The following WNK2 variants were observed in gnomAD, a reference collection of about 807,000 sequenced individuals.
WNK2 encodes the protein serine/threonine-protein kinase WNK2.
Under a neutral mutation model 192.1 loss-of-function variants are expected in WNK2, and 67 were observed. That is an observed-to-expected ratio of 0.35 (90% CI 0.29 to 0.43). WNK2 has a LOEUF of 0.43. Ranked by LOEUF, WNK2 falls within the 20% of genes least tolerant of loss-of-function variation. WNK2 has a pLI of 1.00. For missense variants in WNK2, 2,698 were observed against 3,089.7 expected, an observed-to-expected ratio of 0.87 and a Z score of 3.01; for synonymous variants, 1,439 against 1,393.9, an observed-to-expected ratio of 1.03 and a Z score of -0.72.
At chr9:93,284,008 A>T (rs1246474446) in intron 19 of WNK2, among the ~76,000 whole-genome samples, 1 of 152,188 alleles carries the variant, frequency 6.6e-6, no homozygotes, top group East Asian at 1.9e-4. Flanking sequence ...AGGCAGTGAG[A>T]AAGAAATCAG....
chr9:93,247,708 C>A lies in WNK2; in HGVS notation c.1708C>A (p.Pro570Thr). The stretch of plus-strand genomic sequence containing the variant: ...GGACAAGGCCAGGGGTCCGCCGGTG[C>A]CCCTGCAGGTCCAGGTGACCTACCA... ...SPDKARGPPV[P>T]LQVQVTYHAQ... Residue 570 changes from proline to threonine, a missense_variant, in exon 8 of 30, where the codon CCC (proline) becomes ACC (threonine). Around this residue, in one of 7 missense-constraint regions of WNK2, gnomAD observed 893 missense variants for 909.0 expected, o/e 0.98. Coordinates refer to ENST00000427277, the MANE Select transcript of WNK2 (RefSeq NM_006648.4). The surrounding 1 kb of genome is among the most constrained non-coding windows in gnomAD (Gnocchi z 5.2). The A allele has an allele frequency of 6.4e-7, 1 of 1,563,124 alleles. No individual in the cohort carries two copies. Among genetic ancestry groups the A allele is most frequent in the Non-Finnish European group, 8.7e-7 (1 of 1,154,198 alleles).
chr9:93,195,002 C>T (rs1012216409), intron 2 of WNK2, among the ~76,000 whole-genome samples: 6 of 146,986 alleles, frequency 4.1e-5, no homozygotes, highest in South Asian at 2.1e-4. Flanking sequence ...CTGGAAAAGA[C>T]GAGAAACCAT....
At chr9:93,300,366 G>A in intron 26 of WNK2, 1 of 448,880 alleles carries the variant, frequency 2.2e-6, no homozygotes, top group Non-Finnish European at 4.0e-6. Flanking sequence ...GTGTGTGCAT[G>A]CTCATGGCTG....
chr9:93,263,280 A>G, intron 14 of WNK2: 1 of 511,312 alleles, frequency 2.0e-6, no homozygotes, highest in Non-Finnish European at 3.5e-6. Flanking sequence ...GGGGAAACTG[A>G]GGCACAGGGG....
Position 93,247,486 on chromosome 9 carries a change from G to A in WNK2, c.1543-57G>A. 5.1e-6 allele frequency: 8 copies of A among 1,560,528 alleles called. No homozygotes were observed. Among genetic ancestry groups the A allele is most frequent in the Non-Finnish European group, 7.0e-6 (8 of 1,148,778 alleles). On this transcript the variant is annotated intron_variant, in intron 7 of 29. Coordinates refer to ENST00000427277, the MANE Select transcript of WNK2 (RefSeq NM_006648.4). This position sits in a 1 kb window ranked among gnomAD's most constrained non-coding sequence, Gnocchi z 5.2. ...GATGGGAAAGCACTTTAGGTAAGGGGTGTGGGCCGGTGAGGGCTGATCCCC... is the reference window on the plus strand; with the variant it reads ...GATGGGAAAGCACTTTAGGTAAGGGATGTGGGCCGGTGAGGGCTGATCCCC...
intron 2 of WNK2, among the ~76,000 whole-genome samples, chr9:93,222,500 A>C (rs1171682008): frequency 3.3e-5 from 5 of 152,042 alleles, no homozygotes; most frequent in African/African-American, 1.2e-4. Flanking sequence ...CTCACCCCCA[A>C]CTGAGCACCT....
At chr9:93,284,682 A>C (rs932867751) in intron 19 of WNK2, among the ~76,000 whole-genome samples, 1 of 152,178 alleles carries the variant, frequency 6.6e-6, no homozygotes, top group Non-Finnish European at 1.5e-5. Context: ...GGGACTGAAG[A>C]AGCTCACGCC....
At chr9:93,293,231 A>C in intron 23 of WNK2, 58 bp downstream of exon 23, 3 of 1,386,444 alleles carry the variant, frequency 2.2e-6, no homozygotes, top group Non-Finnish European at 2.8e-6. Flanking sequence ...ACCCCTTCCC[A>C]GTTGTGAGGG....
rs1206570371 is a variant in WNK2 at position 93,259,516 on chromosome 9, C to T, written c.2968C>T (p.Pro990Ser). 5 of 1,580,886 alleles carry T rather than the reference C, an allele frequency of 3.2e-6. No homozygotes were observed. Among genetic ancestry groups the T allele is most frequent in the East Asian group, 2.3e-5 (1 of 44,238 alleles). The change falls in exon 12 of 30, where the codon CCT becomes TCT. Residue 990 changes from proline (P) to serine (S), a missense_variant. Pro to Ser is a moderately conservative substitution (Grantham distance 74). This residue lies in a region of WNK2 where 893 missense variants were observed against 909.0 expected (regional missense o/e 0.98). Coordinates refer to ENST00000427277, the MANE Select transcript of WNK2 (RefSeq NM_006648.4). The surrounding 1 kb of genome is among the most constrained non-coding windows in gnomAD (Gnocchi z 4.8). ...CCCGCAACCCATGCTGCCCCCACAA[C>T]CTGTGCTGCCCCCGCAGCCGGCACT... Reference protein sequence around the residue: ...LPPQPMLPPQPVLPPQPALPV... With the variant: ...LPPQPMLPPQSVLPPQPALPV...
chr9:93,297,762 G>A, intron 23 of WNK2, 91 bp from the exon 24 acceptor site: 2 of 1,367,314 alleles, frequency 1.5e-6, no homozygotes, highest in South Asian at 2.7e-5. Flanking sequence ...TTCATCCCAT[G>A]TTCTCCCACG....
chr9:93,203,140 A>G (rs1225124913), intron 2 of WNK2, among the ~76,000 whole-genome samples: 1 of 151,902 alleles, frequency 6.6e-6, no homozygotes. Context: ...GGCGCTGGGA[A>G]GGTCCTTCCT....
intron 23 of WNK2, among the ~76,000 whole-genome samples, chr9:93,297,417 T>G (rs916260871): frequency 3.3e-5 from 5 of 152,242 alleles, no homozygotes; most frequent in African/African-American, 1.2e-4. Flanking sequence ...TGCATTGGTC[T>G]GAGCTGCCTT....
chr9:93,300,944 C>A (rs1447039933), intron 26 of WNK2, among the ~76,000 whole-genome samples: 1 of 152,232 alleles, frequency 6.6e-6, no homozygotes, highest in African/African-American at 2.4e-5. Context: ...CCTCCTCCTC[C>A]AGCCAGTGGG....
intron 23 of WNK2, among the ~76,000 whole-genome samples, chr9:93,295,887 CA>C: frequency 4.8e-5 from 7 of 145,140 alleles, no homozygotes; most frequent in African/African-American, 1.5e-4. Context: ...TCTCCATCCT[CA>C]ACTCACTTTC....
rs139859913 is a variant in WNK2, at chr9:93,286,997, CCAG to C, written c.4034-1786_4034-1784del. ...AAAGCAGAGAGCAGAATGGAAGTTG[CCAG>C]CAGCTGGAGGGAGAGGGAAACGGAG... is the stretch of plus-strand genomic sequence containing the variant. On this transcript the variant is annotated intron_variant, in intron 19 of 29. Coordinates refer to ENST00000427277, the MANE Select transcript of WNK2 (RefSeq NM_006648.4). 2.5e-3 allele frequency among the ~76,000 whole-genome samples: 382 copies of C among 152,244 alleles called. 15 individuals are homozygous for C. In the East Asian group the frequency reaches 0.056, roughly 22 times the overall value.
chr9:93,264,779 C>T (rs1173604045), intron 16 of WNK2, among the ~76,000 whole-genome samples: 1 of 152,246 alleles, frequency 6.6e-6, no homozygotes, highest in Non-Finnish European at 1.5e-5. Context: ...GCCAGCAGCA[C>T]ACTGGACAGT....
rs372840629 is a variant in WNK2 at position 93,192,023 on chromosome 9, C to CA, written c.681+6423dup. On this transcript the variant is annotated intron_variant, in intron 2 of 29. Transcript: ENST00000427277. ...CTGGCGACAGAGCAAGACTCCGTCT[C>CA]AAAAAAAAAAGGCCAGGCGTGGTGG... 1.4e-3 allele frequency among the ~76,000 whole-genome samples: 196 copies of CA among 141,036 alleles called. 2 individuals are homozygous for CA. In the South Asian group the frequency reaches 0.018, roughly 13 times the overall value. The allele number at this position is 141,036 out of a possible 152,430, so 92.5% of individuals were successfully genotyped here.
chr9:93,253,767 G>T (rs899254770), intron 9 of WNK2, among the ~76,000 whole-genome samples: 6 of 152,168 alleles, frequency 3.9e-5, no homozygotes, highest in African/African-American at 1.4e-4. Flanking sequence ...GATGAGTGGG[G>T]TCACATTTGG....
intron 26 of WNK2, among the ~76,000 whole-genome samples, chr9:93,300,877 G>A (rs556842870): frequency 6.8e-4 from 103 of 152,350 alleles, no homozygotes; most frequent in African/African-American, 2.3e-3. Context: ...AAATAGGAGA[G>A]TGACGGCCAC....
Sources: gnomAD v4.1 joint callset for allele counts (sites outside exome capture counted in the v4.1 genomes callset) on GRCh38, gnomAD v4.1.1 for gene constraint, gnomAD v4.1.1 regional missense constraint, Gnocchi (gnomAD v3.1) non-coding constraint, MANE v1.5 for transcripts, NCBI Gene and HGNC (gene_info 2026-07-23, HGNC 2026-07-21) for gene names.